The following SCFD2 variants were observed in gnomAD, a reference collection of about 807,000 sequenced individuals.
SCFD2 encodes sec1 family domain containing 2.
Under a neutral mutation model 58.9 loss-of-function variants are expected in SCFD2, and 54 were observed. That is an observed-to-expected ratio of 0.92 (90% CI 0.74 to 1.15). SCFD2 has a LOEUF of 1.15. Among genes scored for constraint, SCFD2 ranks in the 50% most tolerant of loss-of-function variants. The pLI is 0.00. For synonymous variants in SCFD2, 321 were observed against 335.9 expected (o/e 0.96, Z 0.49); for missense variants, 805 against 836.6 (o/e 0.96, Z 0.47).
chr4:52,883,183 C>T (rs900989859), intron 8 of SCFD2, among the ~76,000 whole-genome samples: 2 of 152,190 alleles, frequency 1.3e-5, no homozygotes, highest in African/African-American at 4.8e-5. Flanking sequence ...ATTTCCGCTG[C>T]ACTCTAAAAA....
At chr4:52,966,730 A>G (rs920023868) in intron 5 of SCFD2, among the ~76,000 whole-genome samples, 1 of 152,240 alleles carries the variant, frequency 6.6e-6, no homozygotes, top group Non-Finnish European at 1.5e-5. Flanking sequence ...GACATCTTAC[A>G]TAAGTCTGGT....
At chr4:53,180,065 C>T (rs1040854101) in intron 4 of SCFD2, among the ~76,000 whole-genome samples, 3 of 152,152 alleles carry the variant, frequency 2.0e-5, no homozygotes, top group Admixed American at 2.0e-4. Flanking sequence ...GACTTTAACA[C>T]CCCACTGTCA....
rs2149177700 is a variant in SCFD2, at chr4:53,365,142, G to GC, written c.799dup (p.Ala267GlyfsTer40). The GC allele has an allele frequency of 6.2e-7, 1 of 1,614,238 alleles. No homozygotes were observed. Among genetic ancestry groups the GC allele is most frequent in the East Asian group, 2.2e-5 (1 of 44,892 alleles). On this transcript the variant is annotated frameshift_variant, in exon 1 of 9. Transcript: ENST00000401642. LOFTEE classifies it high-confidence loss of function. The surrounding 1 kb of genome is among the most constrained non-coding windows in gnomAD (Gnocchi z 4.3). ...GGTTCTGTCCACAAAAACCACTGAT[G>GC]CCCTGCCTGCAGCAGTCTTCTTCCT... is the stretch of plus-strand genomic sequence containing the variant.
chr4:53,260,013 C>G (rs766908108), intron 4 of SCFD2, among the ~76,000 whole-genome samples: 9 of 149,330 alleles, frequency 6.0e-5, no homozygotes, highest in Non-Finnish European at 1.3e-4. Flanking sequence ...ATTTGCTTCT[C>G]AGCTTGGTCG....
chr4:53,025,661 G>T (rs1184105207), intron 5 of SCFD2, among the ~76,000 whole-genome samples: 3 of 152,060 alleles, frequency 2.0e-5, no homozygotes, highest in Admixed American at 6.5e-5. Flanking sequence ...CTAAAAATTT[G>T]AGTTAAAAAA....
At chr4:53,208,059 C>G (rs1047340584) in intron 4 of SCFD2, among the ~76,000 whole-genome samples, 2 of 151,828 alleles carry the variant, frequency 1.3e-5, no homozygotes, top group African/African-American at 4.8e-5. Context: ...CAGGCTCAAG[C>G]CATCCTCCCA....
chr4:52,884,169 C>G (rs1473920343), intron 8 of SCFD2, among the ~76,000 whole-genome samples: 1 of 152,192 alleles, frequency 6.6e-6, no homozygotes, highest in South Asian at 2.1e-4. Flanking sequence ...ACTAGGCCAG[C>G]AAATATGAAG....
intron 2 of SCFD2, among the ~76,000 whole-genome samples, chr4:53,319,030 A>G (rs1308339607): frequency 6.6e-6 from 1 of 152,204 alleles, no homozygotes; most frequent in Non-Finnish European, 1.5e-5. Context: ...TTAATACTAT[A>G]CCATGCCATG....
At chr4:53,121,034 T>C (rs1725463951) in intron 5 of SCFD2, among the ~76,000 whole-genome samples, 2 of 152,244 alleles carry the variant, frequency 1.3e-5, no homozygotes, top group Non-Finnish European at 2.9e-5. Flanking sequence ...CCATATCCGG[T>C]ACTTGATACA....
At chr4:53,350,649 A>G (rs1734189491) in intron 2 of SCFD2, among the ~76,000 whole-genome samples, 1 of 152,236 alleles carries the variant, frequency 6.6e-6, no homozygotes, top group Admixed American at 6.5e-5. Context: ...TCAAGAGCCT[A>G]GCTCTTCTCT....
At chr4:53,131,750 C>G (rs755742561) in intron 5 of SCFD2, among the ~76,000 whole-genome samples, 8 of 152,190 alleles carry the variant, frequency 5.3e-5, no homozygotes, top group Non-Finnish European at 2.9e-5. Flanking sequence ...GTGCTCTTTT[C>G]CACCACATCA....
intron 4 of SCFD2, among the ~76,000 whole-genome samples, chr4:53,216,846 G>T (rs538082777): frequency 6.6e-6 from 1 of 152,130 alleles, no homozygotes; most frequent in African/African-American, 2.4e-5. Context: ...GGTATGTTGT[G>T]TCTTTGTTCT....
chr4:52,898,580 G>A (rs1025713459), intron 7 of SCFD2, among the ~76,000 whole-genome samples: 17 of 152,158 alleles, frequency 1.1e-4, no homozygotes, highest in African/African-American at 3.9e-4. Flanking sequence ...CAACTATGTG[G>A]TCAATTTTGG....
chr4:53,219,733 T>C (rs983747805), intron 4 of SCFD2, among the ~76,000 whole-genome samples: 1 of 152,216 alleles, frequency 6.6e-6, no homozygotes, highest in Non-Finnish European at 1.5e-5. Flanking sequence ...TCACTCACAC[T>C]GGGAGCTGTA....
chr4:53,154,810 A>G (rs1726616243), intron 4 of SCFD2, among the ~76,000 whole-genome samples: 1 of 151,594 alleles, frequency 6.6e-6, no homozygotes, highest in Non-Finnish European at 1.5e-5. Flanking sequence ...GCTTAAAAAT[A>G]GAGGACTTTT....
At chr4:53,261,852 C>T (rs1323275707) in intron 4 of SCFD2, among the ~76,000 whole-genome samples, 1 of 152,136 alleles carries the variant, frequency 6.6e-6, no homozygotes, top group African/African-American at 2.4e-5. Flanking sequence ...GTGTTGCCAT[C>T]TATCTGATTT....
chr4:53,150,931 A>G (rs1449078534), intron 4 of SCFD2, among the ~76,000 whole-genome samples: 1 of 152,222 alleles, frequency 6.6e-6, no homozygotes, highest in Non-Finnish European at 1.5e-5. Flanking sequence ...TTAGGAATAT[A>G]TAATCATAGC....
At chr4:53,046,492 G>T (rs886945243) in intron 5 of SCFD2, among the ~76,000 whole-genome samples, 3 of 152,052 alleles carry the variant, frequency 2.0e-5, no homozygotes, top group Non-Finnish European at 2.9e-5. Context: ...TGGAATTACA[G>T]GTGTGAGCCA....
At chr4:52,881,509 T>C (rs976045021) in intron 8 of SCFD2, among the ~76,000 whole-genome samples, 3 of 152,216 alleles carry the variant, frequency 2.0e-5, no homozygotes, top group Non-Finnish European at 4.4e-5. Flanking sequence ...CACTGTTCTG[T>C]CCTTAGCATA....
Sources: gnomAD v4.1 joint callset for allele counts (sites outside exome capture counted in the v4.1 genomes callset) on GRCh38, gnomAD v4.1.1 for gene constraint, Gnocchi (gnomAD v3.1) non-coding constraint, MANE v1.5 for transcripts, NCBI Gene and HGNC (gene_info 2026-07-23, HGNC 2026-07-21) for gene names.